The following RIMS2 variants were observed in gnomAD, a reference collection of about 807,000 sequenced individuals.
The protein encoded by RIMS2 is regulating synaptic membrane exocytosis 2.
In RIMS2, 59 loss-of-function variants were observed where a neutral mutation model predicts 174.4. The observed-to-expected ratio is 0.34, with a 90% CI of 0.27 to 0.42. The LOEUF (loss-of-function observed/expected upper bound fraction) is 0.42, where lower values mean the gene tolerates loss of function less well. Ranked by LOEUF, RIMS2 falls within the 10% of genes least tolerant of loss-of-function variation. The pLI is 1.00. For synonymous variants in RIMS2, 606 were observed against 572.5 expected (o/e 1.06, Z -0.84); for missense variants, 1,620 against 1,666.3 (o/e 0.97, Z 0.48).
intron 16 of RIMS2, among the ~76,000 whole-genome samples, chr8:103,981,304 A>G (rs2093885510): frequency 6.6e-6 from 1 of 152,194 alleles, no homozygotes; most frequent in Admixed American, 6.5e-5. Context: ...TGATCCAGAG[A>G]ATTATTCTGG....
At chr8:103,938,592 A>G (rs536045550) in intron 13 of RIMS2, among the ~76,000 whole-genome samples, 1 of 152,236 alleles carries the variant, frequency 6.6e-6, no homozygotes, top group Non-Finnish European at 1.5e-5. Context: ...TCATGTCGTC[A>G]CATTTCAAAA....
At chr8:104,213,039 C>T (rs895852969) in intron 19 of RIMS2, among the ~76,000 whole-genome samples, 3 of 152,106 alleles carry the variant, frequency 2.0e-5, no homozygotes, top group African/African-American at 4.8e-5. Context: ...AAGTCTTCTT[C>T]GGCTGGGTGC....
intron 14 of RIMS2, among the ~76,000 whole-genome samples, chr8:103,955,790 A>G (rs934803171): frequency 1.3e-5 from 2 of 152,208 alleles, no homozygotes; most frequent in Non-Finnish European, 2.9e-5. Flanking sequence ...GTACTCAAGT[A>G]GGAAAAAGAG....
chr8:104,104,886 A>G (rs1436171698), intron 19 of RIMS2, among the ~76,000 whole-genome samples: 1 of 151,970 alleles, frequency 6.6e-6, no homozygotes, highest in Non-Finnish European at 1.5e-5. Flanking sequence ...TCTCAAGAAA[A>G]AAAAAAAAAA....
intron 2 of RIMS2, among the ~76,000 whole-genome samples, chr8:103,703,283 G>A (rs2097188569): frequency 6.6e-6 from 1 of 152,064 alleles, no homozygotes; most frequent in African/African-American, 2.4e-5. Context: ...TTTTGCCCAG[G>A]CTGGAGTGCA....
intron 1 of RIMS2, among the ~76,000 whole-genome samples, 194 bp downstream of exon 3, chr8:103,652,904 G>A (rs190891176): frequency 6.6e-6 from 1 of 151,820 alleles, no homozygotes; most frequent in Non-Finnish European, 1.5e-5. Context: ...TAAAAAAGAA[G>A]AGGTAATTCC....
chr8:103,560,384 G>GA (rs578128073), intron 1 of RIMS2, among the ~76,000 whole-genome samples: 17 of 151,340 alleles, frequency 1.1e-4, no homozygotes, highest in Admixed American at 2.6e-4. Context: ...TCTAAAAAAA[G>GA]AAAAAAAAGA....
chr8:104,145,471 C>G (rs1303476460), intron 19 of RIMS2, among the ~76,000 whole-genome samples: 2 of 151,580 alleles, frequency 1.3e-5, no homozygotes, highest in Non-Finnish European at 2.9e-5. Context: ...TTTCATAAAT[C>G]AAGACTCCCA....
chr8:103,874,888 C>T (rs78124356), intron 3 of RIMS2, among the ~76,000 whole-genome samples: 1,754 of 152,154 alleles, frequency 0.012, 43 homozygotes, highest in African/African-American at 0.04. Flanking sequence ...AAAGCTCAGC[C>T]TCACCAGCAT....
chr8:103,763,599 A>C (rs577917318), intron 2 of RIMS2, among the ~76,000 whole-genome samples: 1 of 152,258 alleles, frequency 6.6e-6, no homozygotes, highest in Non-Finnish European at 1.5e-5. Context: ...GAAGGAACAA[A>C]TGATCTAGTC....
chr8:103,519,878 C>CT (rs1292725644), intron 1 of RIMS2, among the ~76,000 whole-genome samples: 1 of 151,666 alleles, frequency 6.6e-6, no homozygotes, highest in Non-Finnish European at 1.5e-5. Context: ...CTGGTTAGAG[C>CT]TTAGGGGAAT....
At chr8:103,796,822 G>A (rs1021938760) in intron 3 of RIMS2, among the ~76,000 whole-genome samples, 7 of 152,140 alleles carry the variant, frequency 4.6e-5, no homozygotes, top group African/African-American at 1.7e-4. Context: ...GTAGCTTTAG[G>A]CCTGTGCATT....
At chr8:103,627,231 A>G (rs2095807621) in intron 1 of RIMS2, among the ~76,000 whole-genome samples, 2 of 152,214 alleles carry the variant, frequency 1.3e-5, no homozygotes, top group African/African-American at 2.4e-5. Context: ...ACATCCGTTT[A>G]TAGGCTCCCT....
At chr8:103,886,028 A>G (rs1376959665) in exon 4 of RIMS2, 1 of 1,612,840 alleles carries the variant, frequency 6.2e-7, no homozygotes, top group Non-Finnish European at 8.5e-7. Flanking sequence ...AATGGAAACA[A>G]TGTTAAGGAA....
intron 4 of RIMS2, among the ~76,000 whole-genome samples, chr8:103,889,507 T>G (rs1173244656): frequency 6.6e-6 from 1 of 151,800 alleles, no homozygotes; most frequent in Non-Finnish European, 1.5e-5. Flanking sequence ...CAGGGAACAT[T>G]ATCATTGCAG....
chr8:103,632,885 C>T (rs1417899817), intron 1 of RIMS2, among the ~76,000 whole-genome samples: 1 of 151,562 alleles, frequency 6.6e-6, no homozygotes, highest in East Asian at 1.9e-4. Context: ...AGGCACCCGC[C>T]ACCATGCCGG....
At chr8:103,942,564 A>C (rs1419301012) in intron 13 of RIMS2, among the ~76,000 whole-genome samples, 4 of 152,192 alleles carry the variant, frequency 2.6e-5, no homozygotes, top group African/African-American at 9.7e-5. Flanking sequence ...TAAATGTCTT[A>C]GATATTTAAA....
At chr8:103,504,294 G>A (rs1822187549) in intron 1 of RIMS2, among the ~76,000 whole-genome samples, 1 of 151,844 alleles carries the variant, frequency 6.6e-6, no homozygotes, top group South Asian at 2.1e-4. Flanking sequence ...GTGTTTTGCA[G>A]CATCCTTAAC....
At chr8:103,635,849 A>T (rs535659124) in intron 1 of RIMS2, among the ~76,000 whole-genome samples, 49 of 151,854 alleles carry the variant, frequency 3.2e-4, no homozygotes, top group Non-Finnish European at 5.6e-4. Flanking sequence ...ATGGCAGCCT[A>T]CCCCTTCCTC....
Sources: gnomAD v4.1 joint callset for allele counts (sites outside exome capture counted in the v4.1 genomes callset) on GRCh38, gnomAD v4.1.1 for gene constraint, MANE v1.5 for transcripts, NCBI Gene and HGNC (gene_info 2026-07-23, HGNC 2026-07-21) for gene names.